KDELR2: variants seen among roughly 807,000 people sequenced by gnomAD.
The protein encoded by KDELR2 is ER lumen protein-retaining receptor 2.
Under a neutral mutation model 23.9 loss-of-function variants are expected in KDELR2, and 15 were observed. The ratio of observed to expected loss-of-function variants is 0.63; its 90% CI spans 0.42 to 0.97. The LOEUF (loss-of-function observed/expected upper bound fraction) is 0.97, where lower values mean the gene tolerates loss of function less well. Ranked by LOEUF, KDELR2 falls within the 50% of genes least tolerant of loss-of-function variation. KDELR2 has a pLI of 0.00. For synonymous variants in KDELR2, 119 were observed against 106.2 expected (o/e 1.12, Z -0.74); for missense variants, 272 against 254.6 (o/e 1.07, Z -0.46).
At chr7:6,463,826 A>C (rs1036901882) in intron 4 of KDELR2, among the ~76,000 whole-genome samples, 2 of 151,550 alleles carry the variant, frequency 1.3e-5, no homozygotes, top group African/African-American at 2.4e-5. Context: ...TGTGGGAGGC[A>C]GAGGTGGGCG....
intron 1 of KDELR2, among the ~76,000 whole-genome samples, chr7:6,480,358 A>G (rs1337864634): frequency 6.6e-6 from 1 of 152,234 alleles, no homozygotes; most frequent in Non-Finnish European, 1.5e-5. Flanking sequence ...AAATAAAGTG[A>G]CAACTTGAGC....
At chr7:6,474,377 G>A in intron 1 of KDELR2, 93 bp from the exon 2 acceptor site, 1 of 816,522 alleles carries the variant, frequency 1.2e-6, no homozygotes, top group East Asian at 2.5e-5. Context: ...AGGGAAGGAG[G>A]GGTGCGTGGG....
At chr7:6,483,829 G>A (rs1192231194) in intron 1 of KDELR2, 138 bp downstream of exon 1, 9 of 579,462 alleles carry the variant, frequency 1.6e-5, no homozygotes, top group East Asian at 4.4e-5. Flanking sequence ...CCCGGGTCCG[G>A]GCACCCGTTA....
chr7:6,468,543 T>C (rs1402558096), intron 3 of KDELR2, among the ~76,000 whole-genome samples: 3 of 152,074 alleles, frequency 2.0e-5, no homozygotes, highest in African/African-American at 7.2e-5. Flanking sequence ...TCTCGCTCTG[T>C]CGCCAAGGCT....
intron 1 of KDELR2, among the ~76,000 whole-genome samples, chr7:6,477,206 G>A (rs1785771878): frequency 6.6e-6 from 1 of 152,194 alleles, no homozygotes; most frequent in Non-Finnish European, 1.5e-5. Flanking sequence ...CCGGTCCATG[G>A]AGTAGCGTCC....
At chr7:6,480,297 T>C (rs1350450166) in intron 1 of KDELR2, among the ~76,000 whole-genome samples, 1 of 152,228 alleles carries the variant, frequency 6.6e-6, no homozygotes, top group African/African-American at 2.4e-5. Flanking sequence ...GCCCTTCATC[T>C]AAAACCACCG....
At chr7:6,479,466 C>CA (rs1562502946) in intron 1 of KDELR2, among the ~76,000 whole-genome samples, 1 of 151,522 alleles carries the variant, frequency 6.6e-6, no homozygotes, top group Non-Finnish European at 1.5e-5. Context: ...AGAACAAAAA[C>CA]TTTTTTTTTG....
intron 3 of KDELR2, 99 bp from the exon 4 acceptor site, chr7:6,466,422 G>A: frequency 6.9e-7 from 1 of 1,450,050 alleles, no homozygotes; most frequent in East Asian, 2.3e-5. Context: ...CCTAAGATGA[G>A]TGGGGAGTGG....
intron 1 of KDELR2, among the ~76,000 whole-genome samples, chr7:6,476,073 C>T (rs561168646): frequency 1.2e-4 from 19 of 152,154 alleles, no homozygotes; most frequent in Non-Finnish European, 1.8e-4. Flanking sequence ...CACCACCACA[C>T]CTGGCTAATA....
intron 1 of KDELR2, among the ~76,000 whole-genome samples, chr7:6,483,135 T>C (rs1347112690): frequency 1.3e-5 from 2 of 152,206 alleles, no homozygotes; most frequent in Non-Finnish European, 1.5e-5. Context: ...ATGAAATCTG[T>C]ACTCTTGATC....
intron 1 of KDELR2, 38 bp from the exon 2 acceptor site, chr7:6,474,322 G>C: frequency 7.2e-7 from 1 of 1,396,810 alleles, no homozygotes; most frequent in South Asian, 1.2e-5. Context: ...AGGGCCTGAA[G>C]AGCTTTGGGA....
intron 2 of KDELR2, chr7:6,470,420 G>A (rs1007273573): frequency 1.3e-5 from 2 of 152,212 alleles, no homozygotes; most frequent in African/African-American, 4.8e-5. Context: ...GGGTGTGGGT[G>A]AGCGCGCCCT....
chr7:6,472,573 T>C (rs933328191), intron 2 of KDELR2, among the ~76,000 whole-genome samples: 1 of 152,210 alleles, frequency 6.6e-6, no homozygotes, highest in Non-Finnish European at 1.5e-5. Flanking sequence ...AAGCTCATTA[T>C]TTCCTGAATA....
chr7:6,471,994 G>C, intron 2 of KDELR2, among the ~76,000 whole-genome samples: 1 of 151,712 alleles, frequency 6.6e-6, no homozygotes, highest in East Asian at 1.9e-4. Flanking sequence ...TCCGCTTCCC[G>C]GGTTCAAGCA....
intron 1 of KDELR2, among the ~76,000 whole-genome samples, chr7:6,480,327 G>A (rs375123018): frequency 4.6e-5 from 7 of 152,344 alleles, no homozygotes; most frequent in African/African-American, 1.7e-4. Flanking sequence ...CCGAGGTTAT[G>A]TAGGTCAGTG....
intron 2 of KDELR2, among the ~76,000 whole-genome samples, chr7:6,473,780 A>C (rs1159223743): frequency 6.6e-6 from 1 of 152,212 alleles, no homozygotes; most frequent in Non-Finnish European, 1.5e-5. Context: ...GAGACACTGC[A>C]ACTAGGAGTC....
chr7:6,481,627 G>A lies in KDELR2; in HGVS notation c.91+2340C>T, dbSNP rs78158955. Among the ~76,000 whole-genome samples the A allele has an allele frequency of 3.3e-3, 504 of 152,252 alleles. 8 individuals carry two copies. Among genetic ancestry groups the A allele is most frequent in the African/African-American group, 0.012 (480 of 41,554 alleles). On this transcript the variant is annotated intron_variant, in intron 1 of 4. Transcript: ENST00000258739. ...CCCAGCAACTCAGGAGGCTGAGGAG[G>A]GAGGATCGCTTGAGCCCAGGAGTTT...
chr7:6,464,734 CTTTT>C (rs201529691), intron 4 of KDELR2, among the ~76,000 whole-genome samples: 3 of 111,220 alleles, frequency 2.7e-5, no homozygotes, highest in Admixed American at 9.9e-5. Context: ...TCTTTTTTTT[CTTTT>C]TTTTTTTTTT....
At chr7:6,472,817 C>T in intron 2 of KDELR2, among the ~76,000 whole-genome samples, 1 of 151,436 alleles carries the variant, frequency 6.6e-6, no homozygotes, top group East Asian at 1.9e-4. Context: ...GTGCCTGGTG[C>T]ACAGGTGCTC....
Sources: gnomAD v4.1 joint callset for allele counts (sites outside exome capture counted in the v4.1 genomes callset) on GRCh38, gnomAD v4.1.1 for gene constraint, MANE v1.5 for transcripts, NCBI Gene and HGNC (gene_info 2026-07-23, HGNC 2026-07-21) for gene names.